The following IQCN variants were observed in gnomAD, a reference collection of about 807,000 sequenced individuals.
The protein encoded by IQCN is IQ motif containing N.
In IQCN, 46 loss-of-function variants were observed where a neutral mutation model predicts 64.4. The ratio of observed to expected loss-of-function variants is 0.71; its 90% CI spans 0.56 to 0.91. The LOEUF (loss-of-function observed/expected upper bound fraction) is 0.91. Ranked by LOEUF, IQCN falls within the 40% of genes least tolerant of loss-of-function variation. The pLI is 0.00. For missense variants in IQCN, 1,753 were observed against 1,857.4 expected (o/e 0.94, Z 1.03); for synonymous variants, 733 against 775.6 (o/e 0.95, Z 0.91).
rs61740699 is a variant in IQCN at position 18,257,185 on chromosome 19, T to A, written c.4099A>T (p.Ile1367Phe). The part of the protein sequence containing the change: ...ASSRHMHWPG[I>F] Reference sequence around the variant, plus strand: ...CACTGCAGGGAGCCAGGGTCCTAGATGCCAGGCCAATGCATGTGCCGTGAG... The same window carrying A: ...CACTGCAGGGAGCCAGGGTCCTAGAAGCCAGGCCAATGCATGTGCCGTGAG... Residue 1367 changes from isoleucine to phenylalanine, a missense_variant, in exon 4 of 4, where the codon ATC becomes TTC. Transcript: ENST00000392413. 0.011 allele frequency: 17,161 copies of A among 1,612,852 alleles called. 119 individuals carry two copies. The highest frequency in any genetic ancestry group is 0.013 in the Non-Finnish European group (14,992 of 1,179,990).
intron 2 of IQCN, chr19:18,267,792 CTTTTTTTT>C (rs201236242): frequency 9.4e-6 from 2 of 213,144 alleles, no homozygotes; most frequent in Non-Finnish European, 1.7e-5. Flanking sequence ...TTTTTCTTTT[CTTTTTTTT>C]TTTTTTTTTG....
At chr19:18,269,653 T>A in intron 1 of IQCN, 66 bp from the exon 2 acceptor site, 1 of 462,844 alleles carries the variant, frequency 2.2e-6, no homozygotes. Context: ...AATTTCTAAA[T>A]TCTAAAAAAG....
Position 18,258,059 on chromosome 19 carries a change from T to A in IQCN, c.3225A>T (p.Ala1075=), listed in dbSNP as rs775722507. Residue 1075 remains alanine (A), a synonymous_variant, in exon 4 of 4, where the codon GCA becomes GCT. Transcript: ENST00000392413. ...GVVGGQSWNR[A]WEPARGAASW... ...ACGCAGCACCCCTGGCTGGCTCCCA[T>A]GCGCGGTTCCACGATTGGCCACCAA... 6.2e-7 allele frequency: 1 copy of A among 1,612,518 alleles called. No homozygotes were observed. The highest frequency in any genetic ancestry group is 2.2e-5 in the East Asian group (1 of 44,876).
Position 18,264,486 on chromosome 19 carries a change from G to A in IQCN, c.3054C>T (p.Ala1018=), listed in dbSNP as rs545515284. The change falls in exon 3 of 4, where the codon GCC becomes GCT. Residue 1018 remains alanine (A), a synonymous_variant. Coordinates refer to ENST00000392413, the MANE Select transcript of IQCN (RefSeq NM_001145304.2). The surrounding 1 kb of genome is among the most constrained non-coding windows in gnomAD (Gnocchi z 4.3). ...ALRTGTILPK[A]ASKSTGSGVT... is the part of the protein sequence containing the mutation. ...CCCCGCTTCCTGTTGATTTCGAGGC[G>A]GCCTTGGGGAGGATGGTTCCAGTCC... 158 of 1,551,418 alleles carry A rather than the reference G, an allele frequency of 1.0e-4. 1 individual carries two copies. The Admixed American group carries it at 1.4e-3, about 13-fold the overall frequency.
At chr19:18,273,375 T>C (rs550865273) in intron 1 of IQCN, among the ~76,000 whole-genome samples, 1 of 151,956 alleles carries the variant, frequency 6.6e-6, no homozygotes, top group Non-Finnish European at 1.5e-5. Context: ...TTCACTTTTG[T>C]TGCCCAGGCT....
chr19:18,258,098 C>A lies in IQCN; in HGVS notation c.3186G>T (p.Ala1062=). ...PVRPQTSKGP[A]DAGVVGGQSW... Reference sequence around the variant, plus strand: ...ATTGGCCACCAACCACACCAGCGTCCGCGGGGCCCTGGAGTATAGTGGAGT... The same window carrying A: ...ATTGGCCACCAACCACACCAGCGTCAGCGGGGCCCTGGAGTATAGTGGAGT... The change falls in exon 4 of 4, where the codon GCG becomes GCT. Residue 1062 remains alanine (A), a synonymous_variant. Coordinates refer to ENST00000392413, the MANE Select transcript of IQCN (RefSeq NM_001145304.2). 1 of 1,610,024 alleles carries A rather than the reference C, an allele frequency of 6.2e-7. No homozygotes were observed. Among genetic ancestry groups the A allele is most frequent in the African/African-American group, 1.3e-5 (1 of 75,040 alleles).
At chr19:18,262,277 GTACTCCC>G (rs900322891) in intron 3 of IQCN, 1 of 153,260 alleles carries the variant, frequency 6.5e-6, no homozygotes, top group African/African-American at 2.4e-5. Context: ...CCAGGGTTGG[GTACTCCC>G]TAATGGCCTG....
At chr19:18,262,873 T>C (rs1292065555) in intron 3 of IQCN, among the ~76,000 whole-genome samples, 2 of 152,138 alleles carry the variant, frequency 1.3e-5, no homozygotes, top group Admixed American at 6.6e-5. Context: ...GAGACCACAG[T>C]ACCTAAAGAC....
intron 1 of IQCN, among the ~76,000 whole-genome samples, chr19:18,270,681 C>T (rs1240190648): frequency 6.6e-6 from 1 of 151,752 alleles, no homozygotes; most frequent in East Asian, 1.9e-4. Flanking sequence ...AAAACAGAGT[C>T]CCACCCTTTT....
chr19:18,260,835 A>C (rs1187527984), intron 3 of IQCN: 1 of 152,436 alleles, frequency 6.6e-6, no homozygotes, highest in Non-Finnish European at 1.5e-5. Context: ...GCTTAAGGAC[A>C]CCACACAGGT....
At chr19:18,272,343 G>A (rs983269491) in intron 1 of IQCN, among the ~76,000 whole-genome samples, 7 of 151,086 alleles carry the variant, frequency 4.6e-5, no homozygotes, top group African/African-American at 7.3e-5. Context: ...GGTCAGGCTG[G>A]TCTCAAATTC....
rs1876458164 is a variant in IQCN at position 18,264,458 on chromosome 19, T to A, written c.3082A>T (p.Thr1028Ser). ...AASKSTGSGVTKTPALVKVAC... is the reference protein window; with the variant it reads ...AASKSTGSGVSKTPALVKVAC... ...ACCTTCACCAGGGCCGGCGTCTTAG[T>A]CACCCCGCTTCCTGTTGATTTCGAG... Residue 1028 changes from threonine to serine, a missense_variant, in exon 3 of 4, where the codon ACT (threonine) becomes TCT (serine). Physicochemically the swap from Thr to Ser is moderately conservative, Grantham distance 58. Transcript: ENST00000392413. The surrounding 1 kb of genome is among the most constrained non-coding windows in gnomAD (Gnocchi z 4.3). 1.3e-6 allele frequency: 2 copies of A among 1,551,240 alleles called. No individual in the cohort carries two copies. Among genetic ancestry groups the A allele is most frequent in the Non-Finnish European group, 1.7e-6 (2 of 1,146,862 alleles).
rs12608777 is a variant in IQCN, at chr19:18,265,072, G to T, written c.2468C>A (p.Pro823Gln). Residue 823 changes from proline to glutamine, a missense_variant, in exon 3 of 4, where the codon CCG (proline) becomes CAG (glutamine). Transcript: ENST00000392413. This position sits in a 1 kb window ranked among gnomAD's most constrained non-coding sequence, Gnocchi z 4.7. ...PGKTTQGGPC[P>Q]AACEVQGMLV... Reference sequence around the variant, plus strand: ...CATACCCTGGACCTCACAGGCTGCCGGGCATGGTCCCCCCTGAGTGGTCTT... The same window carrying T: ...CATACCCTGGACCTCACAGGCTGCCTGGCATGGTCCCCCCTGAGTGGTCTT... 1.2e-6 allele frequency: 2 copies of T among 1,601,276 alleles called. No individual in the cohort carries two copies. The highest frequency in any genetic ancestry group is 4.5e-5 in the East Asian group (2 of 44,866).
chr19:18,270,777 C>A (rs1041589349), intron 1 of IQCN, among the ~76,000 whole-genome samples: 3 of 149,766 alleles, frequency 2.0e-5, no homozygotes, highest in Non-Finnish European at 4.4e-5. Context: ...CTCAGTCTCC[C>A]AAGTAGCTGG....
At position 18,270,887 on chromosome 19, in the gene IQCN, T is replaced by C. The variant is rs1969721600; in HGVS notation, c.-109-1300A>G. On this transcript the variant is annotated intron_variant, in intron 1 of 3. Coordinates refer to ENST00000392413, the MANE Select transcript of IQCN (RefSeq NM_001145304.2). ...AGTAAGTATAAGATAAAAGGTAACC[T>C]GGGAGGCCAGGCATGGTGGCTCACA... is the stretch of plus-strand genomic sequence containing the variant. 4.1e-5 allele frequency among the ~76,000 whole-genome samples: 6 copies of C among 148,024 alleles called. No individual in the cohort carries two copies. The South Asian group carries it at 1.4e-3, about 34-fold the overall frequency.
Position 18,266,453 on chromosome 19 carries a change from G to A in IQCN, c.1087C>T (p.Pro363Ser), listed in dbSNP as rs1424646717. 1 of 1,585,778 alleles carries A rather than the reference G, an allele frequency of 6.3e-7. No homozygotes were observed. The highest frequency in any genetic ancestry group is 8.6e-7 in the Non-Finnish European group (1 of 1,166,280). ...TTGGGAACTGGGCTAGTCTTGGGTG[G>A]GGTGGTGGTCATCGTGGACGCTGGA... ...TYPASTMTTT[P>S]PKTSPVPKVT... Residue 363 changes from proline (P) to serine (S), a missense_variant, in exon 3 of 4, where the codon CCA (proline) becomes TCA (serine). Transcript: ENST00000392413. This position sits in a 1 kb window ranked among gnomAD's most constrained non-coding sequence, Gnocchi z 4.3.
Position 18,267,540 on chromosome 19 carries a change from AG to A in IQCN, c.14-15del. 2 of 1,512,252 alleles carry A rather than the reference AG, an allele frequency of 1.3e-6. No homozygotes were observed. The highest frequency in any genetic ancestry group is 8.8e-7 in the Non-Finnish European group (1 of 1,133,106). The allele number at this position is 1,512,252 out of a possible 1,614,324, so 93.7% of individuals were successfully genotyped here. On this transcript the variant is annotated splice_polypyrimidine_tract_variant and intron_variant, in intron 2 of 3. Transcript: ENST00000392413. Reference sequence around the variant, plus strand: ...GGTCAGCTCTGCCTGTGGGGGCGGCAGGGGGTGGTCAGGGTGTAGCAGGTCC... The same window carrying A: ...GGTCAGCTCTGCCTGTGGGGGCGGCAGGGGTGGTCAGGGTGTAGCAGGTCC...
chr19:18,265,768 CCA>C lies in IQCN; in HGVS notation c.1770_1771del (p.Val592ProfsTer6). ...AAGCTCAGCTGCAGCCCTGGGGACC[CCA>C]GTTCCCGGATGTGGTTGAGCCAGGC... On this transcript the variant is annotated frameshift_variant, in exon 3 of 4. Transcript: ENST00000392413. LOFTEE classifies it high-confidence loss of function. The surrounding 1 kb of genome is among the most constrained non-coding windows in gnomAD (Gnocchi z 4.7). 6.2e-7 allele frequency: 1 copy of C among 1,614,146 alleles called. No individual in the cohort carries two copies. The highest frequency in any genetic ancestry group is 1.3e-5 in the African/African-American group (1 of 75,042).
Position 18,266,018 on chromosome 19 carries a change from A to C in IQCN, c.1522T>G (p.Leu508Val). The C allele has an allele frequency of 6.2e-7, 1 of 1,613,944 alleles. No homozygotes were observed. Among genetic ancestry groups the C allele is most frequent in the African/African-American group, 1.3e-5 (1 of 74,994 alleles). ...TTGAGGATGGTGGCCACCGAGCGTA[A>C]CTGGGCTGGGGTCTTGGTTATCATG... Reference protein sequence around the residue: ...PAMITKTPAQLRSVATILKTL... With the variant: ...PAMITKTPAQVRSVATILKTL... Residue 508 changes from leucine to valine, a missense_variant, in exon 3 of 4, where the codon TTA (leucine) becomes GTA (valine). By Grantham distance (32) the Leu-to-Val change is conservative. Coordinates refer to ENST00000392413, the MANE Select transcript of IQCN (RefSeq NM_001145304.2). This position sits in a 1 kb window ranked among gnomAD's most constrained non-coding sequence, Gnocchi z 4.3.
Sources: allele counts gnomAD v4.1 joint callset (sites outside exome capture counted in the v4.1 genomes callset), GRCh38; gene constraint gnomAD v4.1.1; non-coding constraint Gnocchi (gnomAD v3.1); transcripts MANE v1.5; gene names NCBI Gene and HGNC (gene_info 2026-07-23, HGNC 2026-07-21).